BTBD10: variants seen among roughly 807,000 people sequenced by gnomAD.
The protein encoded by BTBD10 is BTB domain containing 10.
A neutral mutation model predicts 53.2 loss-of-function variants in BTBD10; 21 were observed. The ratio of observed to expected loss-of-function variants is 0.39; its 90% CI spans 0.28 to 0.57. The LOEUF is 0.57. Ranked by LOEUF, BTBD10 falls within the 20% of genes least tolerant of loss-of-function variation. The probability of loss-of-function intolerance (pLI) is 0.53; values close to 1 mark genes in which losing one functional copy is unlikely to be tolerated. For synonymous variants in BTBD10, 149 were observed against 192.7 expected, an observed-to-expected ratio of 0.77 and a Z score of 1.88; for missense variants, 360 against 594.7, an observed-to-expected ratio of 0.61 and a Z score of 4.10.
At chr11:13,410,921 A>T (rs1949928742) in intron 6 of BTBD10, among the ~76,000 whole-genome samples, 1 of 152,228 alleles carries the variant, frequency 6.6e-6, no homozygotes, top group African/African-American at 2.4e-5. Context: ...CTATATGTTA[A>T]TTCTTCTAAA....
At chr11:13,390,342 G>T (rs1301556347) in intron 8 of BTBD10, among the ~76,000 whole-genome samples, 1 of 151,698 alleles carries the variant, frequency 6.6e-6, no homozygotes, top group Non-Finnish European at 1.5e-5. Flanking sequence ...ATGAGCACGT[G>T]TATGTTTTTC....
intron 1 of BTBD10, among the ~76,000 whole-genome samples, chr11:13,458,360 C>T (rs968020113): frequency 1.1e-4 from 17 of 151,990 alleles, no homozygotes; most frequent in Non-Finnish European, 2.2e-4. Context: ...CACACACACA[C>T]GAAATGGAAA....
intron 2 of BTBD10, among the ~76,000 whole-genome samples, chr11:13,435,221 TA>T (rs912718796): frequency 1.3e-5 from 2 of 152,114 alleles, no homozygotes; most frequent in Admixed American, 1.3e-4. Context: ...TGTTCAAAGC[TA>T]AATTAATGGT....
chr11:13,426,446 A>G (rs2133983593), intron 2 of BTBD10, among the ~76,000 whole-genome samples: 1 of 152,282 alleles, frequency 6.6e-6, no homozygotes, highest in East Asian at 1.9e-4. Flanking sequence ...ACTACTAGAA[A>G]AAGTAACTGC....
chr11:13,417,340 A>G, intron 4 of BTBD10, 80 bp from the exon 5 acceptor site: 3 of 999,606 alleles, frequency 3.0e-6, no homozygotes, highest in Non-Finnish European at 4.4e-6. Flanking sequence ...TACAAAAGAA[A>G]AAAGGAATTA....
rs993739918 is a variant in BTBD10, at chr11:13,395,952, T to C, written c.1118-6811A>G. Among the ~76,000 whole-genome samples the C allele has an allele frequency of 9.5e-5, 14 of 147,226 alleles. 1 individual carries two copies. In the Middle Eastern group the frequency reaches 0.01, roughly 109 times the overall value. On this transcript the variant is annotated intron_variant, in intron 8 of 8. Transcript: ENST00000278174. ...TTTTTGTTACTGCAGCCTTGTAGTA[T>C]AGTTTGAAGTCAGGTAGCGTGATGC...
chr11:13,458,418 T>C (rs1343501596), intron 1 of BTBD10, among the ~76,000 whole-genome samples: 1 of 152,226 alleles, frequency 6.6e-6, no homozygotes, highest in Non-Finnish European at 1.5e-5. Context: ...ATTGTTTTCT[T>C]CATACAGCAC....
At position 13,388,660 on chromosome 11, in the gene BTBD10, T is replaced by TA. The variant is rs138959637; in HGVS notation, c.*170dup. The TA allele has an allele frequency of 1.4e-3, 869 of 630,054 alleles. 1 individual carries two copies. The highest frequency in any genetic ancestry group is 5.1e-3 in the African/African-American group (280 of 54,548). The allele number at this position is 630,054 out of a possible 1,614,324, so 39.0% of individuals were successfully genotyped here. On this transcript the variant is annotated 3_prime_UTR_variant, in exon 9 of 9. Coordinates refer to ENST00000278174, the MANE Select transcript of BTBD10 (RefSeq NM_032320.7). ...TCAAAATGCTAGAGTTGTACTCATT[T>TA]AAAAAAAAACCATTCAGCTACCTTT...
Position 13,417,138 on chromosome 11 carries a change from T to C in BTBD10, c.687+20A>G, listed in dbSNP as rs1565244476. 1.0e-5 allele frequency: 16 copies of C among 1,580,790 alleles called. No homozygotes were observed. The highest frequency in any genetic ancestry group is 1.4e-5 in the Non-Finnish European group (16 of 1,154,852). ...AGAAGGCGTCTTATGATTAAGTCAATACTCATAAGAAACACTCACCAGAAT... is the reference window on the plus strand; with the variant it reads ...AGAAGGCGTCTTATGATTAAGTCAACACTCATAAGAAACACTCACCAGAAT... On this transcript the variant is annotated intron_variant, in intron 5 of 8. Coordinates refer to ENST00000278174, the MANE Select transcript of BTBD10 (RefSeq NM_032320.7).
At chr11:13,406,635 G>T (rs369591359) in intron 6 of BTBD10, among the ~76,000 whole-genome samples, 65 of 88,970 alleles carry the variant, frequency 7.3e-4, no homozygotes, top group Admixed American at 1.7e-3. Flanking sequence ...GTGTGTGTGT[G>T]TGTGTTTGTG....
In BTBD10 at chr11:13,397,304, T is replaced by G. The variant is rs1363110645; in HGVS notation, c.1117+5864A>C. On this transcript the variant is annotated intron_variant, in intron 8 of 8. Transcript: ENST00000278174. Reference sequence around the variant, plus strand: ...TGTGTCCAGGAATTTATCCATTTCTTTTAGATTTTCTAGTTTATTTGCATA... The same window carrying G: ...TGTGTCCAGGAATTTATCCATTTCTGTTAGATTTTCTAGTTTATTTGCATA... 9.9e-5 allele frequency among the ~76,000 whole-genome samples: 15 copies of G among 152,232 alleles called. 1 individual carries two copies. The highest frequency in any genetic ancestry group is 2.9e-5 in the Non-Finnish European group (2 of 68,040).
At chr11:13,428,971 C>A (rs910042655) in intron 2 of BTBD10, among the ~76,000 whole-genome samples, 5 of 152,116 alleles carry the variant, frequency 3.3e-5, no homozygotes, top group African/African-American at 1.2e-4. Context: ...TATATACCAA[C>A]AATACGCAAC....
intron 5 of BTBD10, among the ~76,000 whole-genome samples, chr11:13,414,955 C>T (rs919109802): frequency 1.0e-4 from 15 of 149,738 alleles, no homozygotes; most frequent in Non-Finnish European, 1.0e-4. Context: ...GGAAGTGAAA[C>T]ATCTTCTGGT....
At chr11:13,410,068 A>G (rs1349322244) in intron 6 of BTBD10, among the ~76,000 whole-genome samples, 1 of 152,096 alleles carries the variant, frequency 6.6e-6, no homozygotes, top group Non-Finnish European at 1.5e-5. Flanking sequence ...TCCAGGTGAT[A>G]AGTGCACAAA....
At chr11:13,396,960 G>A (rs1387195295) in intron 8 of BTBD10, among the ~76,000 whole-genome samples, 1 of 152,092 alleles carries the variant, frequency 6.6e-6, no homozygotes, top group Non-Finnish European at 1.5e-5. Context: ...TTATTGAGGA[G>A]TTTTGCATCA....
At chr11:13,397,026 G>C (rs900248232) in intron 8 of BTBD10, among the ~76,000 whole-genome samples, 5 of 152,184 alleles carry the variant, frequency 3.3e-5, no homozygotes, top group African/African-American at 9.7e-5. Flanking sequence ...TCTCTGCCAG[G>C]CTTTGGTATC....
intron 2 of BTBD10, among the ~76,000 whole-genome samples, chr11:13,443,786 G>A (rs961888210): frequency 1.3e-5 from 2 of 151,950 alleles, no homozygotes; most frequent in African/African-American, 2.4e-5. Context: ...GTTTTGTCAC[G>A]TTGGCCAGGC....
rs1949327298 is a variant in BTBD10 at position 13,388,819 on chromosome 11, G to A, written c.*12C>T. 7 of 1,602,570 alleles carry A rather than the reference G, an allele frequency of 4.4e-6. No individual in the cohort carries two copies. The highest frequency in any genetic ancestry group is 6.0e-6 in the Non-Finnish European group (7 of 1,172,790). ...GAAGAGTAGCATGCTATGGTTTCAA[G>A]GAAGATCAGCATCACAGCATTGGAT... is the stretch of plus-strand genomic sequence containing the variant. On this transcript the variant is annotated 3_prime_UTR_variant, in exon 9 of 9. Coordinates refer to ENST00000278174, the MANE Select transcript of BTBD10 (RefSeq NM_032320.7).
chr11:13,442,662 A>C (rs1477072759), intron 2 of BTBD10, among the ~76,000 whole-genome samples: 1 of 152,054 alleles, frequency 6.6e-6, no homozygotes, highest in Non-Finnish European at 1.5e-5. Flanking sequence ...TTATTTTATA[A>C]CTCATTACCA....
Sources: gnomAD v4.1 joint callset for allele counts (sites outside exome capture counted in the v4.1 genomes callset) on GRCh38, gnomAD v4.1.1 for gene constraint, MANE v1.5 for transcripts, NCBI Gene and HGNC (gene_info 2026-07-23, HGNC 2026-07-21) for gene names.